PIK3C2A: variants seen among roughly 807,000 people sequenced by gnomAD.
PIK3C2A encodes phosphatidylinositol 4-phosphate 3-kinase C2 domain-containing subunit alpha.
Under a neutral mutation model 204.5 loss-of-function variants are expected in PIK3C2A, and 97 were observed. That is an observed-to-expected ratio of 0.47 (90% CI 0.40 to 0.56). The LOEUF (loss-of-function observed/expected upper bound fraction) is 0.56. Ranked by LOEUF, PIK3C2A falls within the 20% of genes least tolerant of loss-of-function variation. The probability of loss-of-function intolerance (pLI) is 0.00; values close to 1 mark genes in which losing one functional copy is unlikely to be tolerated. For missense variants in PIK3C2A, 1,735 were observed against 1,969.2 expected, an observed-to-expected ratio of 0.88 and a Z score of 2.25; for synonymous variants, 653 against 664.4, an observed-to-expected ratio of 0.98 and a Z score of 0.26.
At chr11:17,191,967 T>C (rs537534773) in intron 1 of PIK3C2A, among the ~76,000 whole-genome samples, 1 of 145,706 alleles carries the variant, frequency 6.9e-6, no homozygotes, top group East Asian at 2.0e-4. Context: ...ACCCTGCTTC[T>C]ACTAAAAAAA....
At chr11:17,131,113 G>A (rs545369202) in intron 12 of PIK3C2A, among the ~76,000 whole-genome samples, 153 of 152,228 alleles carry the variant, frequency 1.0e-3, no homozygotes, top group African/African-American at 3.5e-3. Flanking sequence ...GCTTGAACTC[G>A]AGAGGTGGAG....
rs762856520 is a variant in PIK3C2A at position 17,119,978 on chromosome 11, C to T, written c.2658-4G>A. ...AGCTTTATCTTCTTTAGAAAGTCTG[C>T]ATATATAATAGAATTAAATTACTTC... On this transcript the variant is annotated splice_region_variant and splice_polypyrimidine_tract_variant and intron_variant, in intron 15 of 32. Transcript: ENST00000691414. The T allele has an allele frequency of 7.4e-7, 1 of 1,359,084 alleles. No homozygotes were observed. Among genetic ancestry groups the T allele is most frequent in the Non-Finnish European group, 1.0e-6 (1 of 975,154 alleles). The allele number at this position is 1,359,084 out of a possible 1,614,324, so 84.2% of individuals were successfully genotyped here. A position where few individuals can be genotyped will look rare whatever the true frequency, so the allele number is the denominator to read the frequency against.
chr11:17,092,769 A>G (rs1848345356), intron 28 of PIK3C2A, among the ~76,000 whole-genome samples: 1 of 152,224 alleles, frequency 6.6e-6, no homozygotes, highest in Admixed American at 6.5e-5. Flanking sequence ...GAAAAGGTGT[A>G]TGTGTTGATT....
rs759824023 is a variant in PIK3C2A at position 17,086,604 on chromosome 11, G to A, written c.*3134C>T. ...ATTCCAGAAATATTTTAATACAATC[G>A]TAGTACAGTTATGAAGTCACATTCA... On this transcript the variant is annotated 3_prime_UTR_variant, in exon 33 of 33. Coordinates refer to ENST00000691414, the MANE Select transcript of PIK3C2A (RefSeq NM_002645.4). 26 of 152,188 alleles carry A rather than the reference G, an allele frequency of 1.7e-4. No individual in the cohort carries two copies. Among genetic ancestry groups the A allele is most frequent in the African/African-American group, 5.5e-4 (23 of 41,518 alleles). 9.4% of individuals were successfully genotyped at this position (152,188 alleles called of 1,614,324 possible).
At position 17,122,144 on chromosome 11, in the gene PIK3C2A, A is replaced by G. The variant is rs1182339157; in HGVS notation, c.2657+44T>C. The G allele has an allele frequency of 4.7e-6, 6 of 1,281,150 alleles. No individual in the cohort carries two copies. The South Asian group carries it at 6.4e-5, about 14-fold the overall frequency. 79.4% of individuals were successfully genotyped at this position (1,281,150 alleles called of 1,614,324 possible). On this transcript the variant is annotated intron_variant, in intron 15 of 32. Transcript: ENST00000691414. ...ATGTAAGTCCTAACTTGACTTTTAC[A>G]TTACAGGAGATACTTAGCCCAAAAC...
Position 17,086,953 on chromosome 11 carries a change from C to T in PIK3C2A, c.*2785G>A, listed in dbSNP as rs1848178481. 6.6e-6 allele frequency: 1 copy of T among 151,986 alleles called. No individual in the cohort carries two copies. Among genetic ancestry groups the T allele is most frequent in the Non-Finnish European group, 1.5e-5 (1 of 67,984 alleles). The allele number at this position is 151,986 out of a possible 1,614,324, so 9.4% of individuals were successfully genotyped here. A position where few individuals can be genotyped will look rare whatever the true frequency, so the allele number is the denominator to read the frequency against. ...ACTTTAATTTGAAAAAAGAAATGATCAAAGATCATACATGCCTTAACATTT... is the reference window on the plus strand; with the variant it reads ...ACTTTAATTTGAAAAAAGAAATGATTAAAGATCATACATGCCTTAACATTT... On this transcript the variant is annotated 3_prime_UTR_variant, in exon 33 of 33. Transcript: ENST00000691414.
At chr11:17,202,012 T>G (rs1852404606) in intron 1 of PIK3C2A, among the ~76,000 whole-genome samples, 1 of 151,950 alleles carries the variant, frequency 6.6e-6, no homozygotes, top group Non-Finnish European at 1.5e-5. Flanking sequence ...TCCCAGCACT[T>G]TGGGAGGCAG....
chr11:17,170,020 C>T (rs374015728), intron 1 of PIK3C2A, among the ~76,000 whole-genome samples: 15 of 152,344 alleles, frequency 9.8e-5, no homozygotes, highest in African/African-American at 3.6e-4. Flanking sequence ...ATTACTTTAA[C>T]CCCATTTCCT....
intron 2 of PIK3C2A, among the ~76,000 whole-genome samples, chr11:17,166,947 T>G (rs759706201): frequency 6.6e-6 from 1 of 152,062 alleles, no homozygotes; most frequent in Admixed American, 6.5e-5. Context: ...ATGGGAAAAT[T>G]AGGGGGACCA....
intron 8 of PIK3C2A, among the ~76,000 whole-genome samples, chr11:17,137,735 C>A (rs1238787892): frequency 6.6e-6 from 1 of 152,070 alleles, no homozygotes; most frequent in East Asian, 1.9e-4. Context: ...TGCCAATTAT[C>A]AATTTATTGT....
At chr11:17,184,221 T>TA (rs1187588642) in intron 1 of PIK3C2A, among the ~76,000 whole-genome samples, 3 of 109,704 alleles carry the variant, frequency 2.7e-5, no homozygotes, top group African/African-American at 6.0e-5. Flanking sequence ...TCCTTCTACT[T>TA]TAAAAAAAAA....
Position 17,122,185 on chromosome 11 carries a change from T to A in PIK3C2A, c.2657+3A>T. On this transcript the variant is annotated splice_donor_region_variant and intron_variant, in intron 15 of 32. Coordinates refer to ENST00000691414, the MANE Select transcript of PIK3C2A (RefSeq NM_002645.4). ...AGCCCAAAACAGAATAAACAGAACA[T>A]ACCCAAGTGATGAGTCTTTATGAAG... 1 of 1,575,670 alleles carries A rather than the reference T, an allele frequency of 6.3e-7. No homozygotes were observed. Among genetic ancestry groups the A allele is most frequent in the Non-Finnish European group, 8.7e-7 (1 of 1,148,538 alleles).
At chr11:17,157,577 T>C (rs1850638777) in intron 2 of PIK3C2A, among the ~76,000 whole-genome samples, 3 of 152,010 alleles carry the variant, frequency 2.0e-5, no homozygotes, top group African/African-American at 7.2e-5. Context: ...TTGAAGCCAC[T>C]CATTTTCATT....
At chr11:17,126,890 A>G (rs1211187029) in intron 13 of PIK3C2A, among the ~76,000 whole-genome samples, 1 of 152,244 alleles carries the variant, frequency 6.6e-6, no homozygotes, top group East Asian at 1.9e-4. Flanking sequence ...ACTAGACAAT[A>G]AAAGTGGCAA....
At chr11:17,196,565 T>A (rs1237684574) in intron 1 of PIK3C2A, among the ~76,000 whole-genome samples, 1 of 151,924 alleles carries the variant, frequency 6.6e-6, no homozygotes, top group Admixed American at 6.6e-5. Flanking sequence ...TTGGGGAGGA[T>A]ACTATTATTA....
At chr11:17,125,185 A>G (rs1011859710) in intron 13 of PIK3C2A, among the ~76,000 whole-genome samples, 2 of 152,194 alleles carry the variant, frequency 1.3e-5, no homozygotes, top group Admixed American at 6.5e-5. Flanking sequence ...TTTTAAAACA[A>G]AAAACAAAAA....
chr11:17,199,043 T>C (rs1240734284), intron 1 of PIK3C2A, among the ~76,000 whole-genome samples: 1 of 150,552 alleles, frequency 6.6e-6, no homozygotes, highest in Non-Finnish European at 1.5e-5. Context: ...CACTTGAACC[T>C]GGGAGGCAGA....
intron 27 of PIK3C2A, among the ~76,000 whole-genome samples, chr11:17,095,005 T>A (rs1274286130): frequency 6.6e-6 from 1 of 152,094 alleles, no homozygotes; most frequent in Non-Finnish European, 1.5e-5. Flanking sequence ...TCCTAGCACT[T>A]TGAGGGGCCA....
chr11:17,182,090 C>T (rs1195883226), intron 1 of PIK3C2A, among the ~76,000 whole-genome samples: 1 of 144,878 alleles, frequency 6.9e-6, no homozygotes, highest in African/African-American at 2.6e-5. Flanking sequence ...GAAACTCTGT[C>T]TCAAAAAAAA....
Sources: allele counts gnomAD v4.1 joint callset (sites outside exome capture counted in the v4.1 genomes callset), GRCh38; gene constraint gnomAD v4.1.1; transcripts MANE v1.5; gene names NCBI Gene and HGNC (gene_info 2026-07-23, HGNC 2026-07-21).